MAGI2: variants seen among roughly 807,000 people sequenced by gnomAD.
MAGI2 encodes the protein membrane associated guanylate kinase, WW and PDZ domain containing 2, also known as membrane-associated guanylate kinase, WW and PDZ domain-containing protein 2.
MAGI2 carries 35 observed loss-of-function variants against 133.3 expected under a neutral mutation model. That is an observed-to-expected ratio of 0.26 (90% confidence interval 0.20 to 0.35). The LOEUF (loss-of-function observed/expected upper bound fraction) is 0.35, where lower values mean the gene tolerates loss of function less well. Ranked by LOEUF, MAGI2 falls within the 10% of genes least tolerant of loss-of-function variation. MAGI2 has a pLI of 1.00. For synonymous variants in MAGI2, 729 were observed against 710.6 expected (o/e 1.03, Z -0.41); for missense variants, 1,636 against 1,863.4 (o/e 0.88, Z 2.25).
intron 1 of MAGI2, among the ~76,000 whole-genome samples, chr7:79,072,596 A>G (rs1317970358): frequency 2.0e-5 from 3 of 152,242 alleles, no homozygotes; most frequent in African/African-American, 7.2e-5. Context: ...TTGCTAGAAG[A>G]CACTATTCAA....
intron 2 of MAGI2, among the ~76,000 whole-genome samples, chr7:78,968,174 A>C (rs1803492486): frequency 6.6e-6 from 1 of 152,056 alleles, no homozygotes; most frequent in Non-Finnish European, 1.5e-5. Flanking sequence ...GTATTTTGAA[A>C]TCAGGATATG....
chr7:79,356,865 C>T (rs748111902), intron 1 of MAGI2, among the ~76,000 whole-genome samples: 2 of 152,114 alleles, frequency 1.3e-5, no homozygotes, highest in Non-Finnish European at 2.9e-5. Context: ...TTACTCTTTA[C>T]ATCAATGAGT....
chr7:78,595,678 A>T (rs1441731782), intron 3 of MAGI2, among the ~76,000 whole-genome samples: 1 of 152,216 alleles, frequency 6.6e-6, no homozygotes, highest in African/African-American at 2.4e-5. Flanking sequence ...ACTGTATAGA[A>T]CCAAAATTCA....
At chr7:78,802,243 C>T (rs1275383731) in intron 2 of MAGI2, among the ~76,000 whole-genome samples, 1 of 152,120 alleles carries the variant, frequency 6.6e-6, no homozygotes, top group African/African-American at 2.4e-5. Context: ...CTTCATTCTC[C>T]TTTATCCCAC....
chr7:79,446,543 C>T (rs1848865751), intron 1 of MAGI2, among the ~76,000 whole-genome samples: 1 of 152,002 alleles, frequency 6.6e-6, no homozygotes, highest in East Asian at 1.9e-4. Context: ...GTAACGATTA[C>T]ATGGAGAAAT....
At chr7:78,582,874 T>C (rs1398032391) in intron 3 of MAGI2, among the ~76,000 whole-genome samples, 1 of 152,198 alleles carries the variant, frequency 6.6e-6, no homozygotes. Context: ...TTTCCAAATA[T>C]AGCCCTGCCA....
intron 2 of MAGI2, among the ~76,000 whole-genome samples, chr7:78,822,819 G>A (rs1283499140): frequency 6.6e-6 from 1 of 152,102 alleles, no homozygotes; most frequent in African/African-American, 2.4e-5. Flanking sequence ...TTGTAACTTT[G>A]TAAGTCAAAT....
intron 1 of MAGI2, among the ~76,000 whole-genome samples, chr7:79,084,210 TC>T (rs149081214): frequency 0.013 from 1,955 of 151,822 alleles, 45 homozygotes; most frequent in African/African-American, 0.044. Flanking sequence ...TTCAATTTGT[TC>T]CTTTTTCTAG....
intron 2 of MAGI2, among the ~76,000 whole-genome samples, chr7:78,768,506 C>T (rs1051928645): frequency 1.3e-5 from 2 of 152,170 alleles, no homozygotes; most frequent in African/African-American, 2.4e-5. Context: ...TAAACAGACA[C>T]CATGAAAATC....
intron 9 of MAGI2, among the ~76,000 whole-genome samples, chr7:78,319,659 C>T (rs1562815157): frequency 6.6e-6 from 1 of 152,106 alleles, no homozygotes; most frequent in Admixed American, 6.5e-5. Context: ...GCACTAAATG[C>T]CCACAAGAGA....
chr7:78,387,847 GC>G lies in MAGI2; in HGVS notation c.1046-18635del, dbSNP rs1259238745. On this transcript the variant is annotated intron_variant, in intron 6 of 21. Coordinates refer to ENST00000354212, the MANE Select transcript of MAGI2 (RefSeq NM_012301.4). ...AGGCTGAGGTGGGAGGAGCGCTTAA[GC>G]CCAGGAGGCGGAGGTTGCAGTGATC... is the stretch of plus-strand genomic sequence containing the variant. 2.6e-5 allele frequency among the ~76,000 whole-genome samples: 4 copies of G among 151,988 alleles called. 1 individual carries two copies. Among genetic ancestry groups the G allele is most frequent in the Admixed American group, 2.6e-4 (4 of 15,262 alleles).
At chr7:78,518,240 A>G (rs560748080) in intron 4 of MAGI2, 1 of 152,342 alleles carries the variant, frequency 6.6e-6, no homozygotes, top group Non-Finnish European at 1.5e-5. Flanking sequence ...GAAATTTATA[A>G]TGCCACTTTG....
chr7:78,046,474 G>A (rs16888075), intron 21 of MAGI2, among the ~76,000 whole-genome samples: 9,386 of 150,656 alleles, frequency 0.062, 322 homozygotes, highest in Middle Eastern at 0.072. Context: ...CATCATCATA[G>A]GTGAGACTGC....
intron 1 of MAGI2, among the ~76,000 whole-genome samples, chr7:79,206,470 A>G (rs953220636): frequency 5.5e-5 from 7 of 127,758 alleles, no homozygotes; most frequent in South Asian, 2.1e-4. Context: ...ATAATCTAGA[A>G]GAAGTGGACA....
At chr7:78,324,664 T>C (rs1188269886) in intron 9 of MAGI2, among the ~76,000 whole-genome samples, 1 of 152,124 alleles carries the variant, frequency 6.6e-6, no homozygotes, top group Non-Finnish European at 1.5e-5. Context: ...AGCTATTTTT[T>C]AAAATAATGA....
chr7:78,603,491 A>G lies in MAGI2; in HGVS notation c.538+23629T>C, dbSNP rs114984707. Among the ~76,000 whole-genome samples the G allele has an allele frequency of 6.5e-3, 989 of 152,248 alleles. 5 individuals carry two copies. Among genetic ancestry groups the G allele is most frequent in the African/African-American group, 0.022 (927 of 41,544 alleles). ...ATGGATTAAAACATTCAAGATTTGA[A>G]GCTTTCTTGATCTAGGCATATTCTG... On this transcript the variant is annotated intron_variant, in intron 3 of 21. Coordinates refer to ENST00000354212, the MANE Select transcript of MAGI2 (RefSeq NM_012301.4).
rs1396093117 is a variant in MAGI2 at position 78,638,757 on chromosome 7, AATGACCCTT to A, written c.419-11527_419-11519del. Among the ~76,000 whole-genome samples, 67 of 152,240 alleles carry A rather than the reference AATGACCCTT, an allele frequency of 4.4e-4. 1 individual carries two copies. The highest frequency in any genetic ancestry group is 4.3e-3 in the Admixed American group (66 of 15,288). On this transcript the variant is annotated intron_variant, in intron 2 of 21. Coordinates refer to ENST00000354212, the MANE Select transcript of MAGI2 (RefSeq NM_012301.4). The stretch of plus-strand genomic sequence containing the variant: ...TTTTTTAAGAGACTGGAAGAAGACA[AATGACCCTT>A]TTGTTACCAATTAATTTATTTTTGA...
At chr7:78,626,278 C>A (rs765244282) in intron 3 of MAGI2, among the ~76,000 whole-genome samples, 3 of 151,928 alleles carry the variant, frequency 2.0e-5, no homozygotes, top group Non-Finnish European at 4.4e-5. Context: ...TATATATATA[C>A]ACAGATACAT....
intron 2 of MAGI2, among the ~76,000 whole-genome samples, chr7:78,848,938 T>G (rs946445607): frequency 6.6e-6 from 1 of 152,190 alleles, no homozygotes; most frequent in African/African-American, 2.4e-5. Context: ...TCATTTGTCT[T>G]AGAAATGGCA....
Sources: allele counts gnomAD v4.1 joint callset (sites outside exome capture counted in the v4.1 genomes callset), GRCh38; gene constraint gnomAD v4.1.1; transcripts MANE v1.5; gene names NCBI Gene and HGNC (gene_info 2026-07-23, HGNC 2026-07-21).